Variants in DHX40 observed in about 807,000 individuals in gnomAD.
DHX40 encodes DEAH-box helicase 40, also known as probable ATP-dependent RNA helicase DHX40.
A neutral mutation model predicts 89.6 loss-of-function variants in DHX40; 28 were observed. That is an observed-to-expected ratio of 0.31 (90% CI 0.23 to 0.43). The LOEUF (loss-of-function observed/expected upper bound fraction) is 0.43. Among genes scored for constraint, DHX40 ranks in the 20% least tolerant of loss-of-function variants. The pLI, the probability that DHX40 is intolerant of heterozygous loss-of-function variation, is 1.00. For missense variants in DHX40, 457 were observed against 844.0 expected (o/e 0.54, Z 5.68); for synonymous variants, 226 against 283.6 (o/e 0.80, Z 2.04).
chr17:59,589,050 G>T (rs1334920639), intron 12 of DHX40, among the ~76,000 whole-genome samples: 1 of 151,930 alleles, frequency 6.6e-6, no homozygotes, highest in Non-Finnish European at 1.5e-5. Context: ...TTGTCTGTTT[G>T]TTCTTCCACC....
chr17:59,577,011 A>G (rs1402603688), intron 7 of DHX40: 9 of 421,626 alleles, frequency 2.1e-5, no homozygotes, highest in South Asian at 1.6e-4. Context: ...CTGGGACTAC[A>G]GGGGCGCGCC....
intron 12 of DHX40, among the ~76,000 whole-genome samples, chr17:59,590,916 G>GTATC (rs2049073084): frequency 6.6e-6 from 1 of 151,306 alleles, no homozygotes; most frequent in South Asian, 2.1e-4. Flanking sequence ...GGGCACAGTG[G>GTATC]TATCCCAGCT....
intron 2 of DHX40, 30 bp downstream of exon 2, chr17:59,566,824 A>C (rs926812934): frequency 6.5e-7 from 1 of 1,541,038 alleles, no homozygotes. Flanking sequence ...ATAATTGGAA[A>C]TATTTTAAAA....
intron 6 of DHX40, 147 bp from the exon 7 acceptor site, chr17:59,575,193 T>G: frequency 1.7e-6 from 1 of 572,782 alleles, no homozygotes; most frequent in Non-Finnish European, 2.8e-6. Flanking sequence ...TGAAATATGG[T>G]ACAGCTTATG....
At chr17:59,600,293 A>G (rs2030411763) in intron 14 of DHX40, among the ~76,000 whole-genome samples, 1 of 152,202 alleles carries the variant, frequency 6.6e-6, no homozygotes, top group Admixed American at 6.5e-5. Context: ...AGGCCCTAGA[A>G]AAATATTGTT....
chr17:59,577,468 T>G (rs2048901349), intron 8 of DHX40, 103 bp downstream of exon 8: 1 of 815,620 alleles, frequency 1.2e-6, no homozygotes. Flanking sequence ...ACTAATTCCC[T>G]TCTCTCCTAC....
At chr17:59,572,804 G>C (rs887497306) in intron 3 of DHX40, among the ~76,000 whole-genome samples, 1 of 152,206 alleles carries the variant, frequency 6.6e-6, no homozygotes, top group Admixed American at 6.5e-5. Context: ...TCATTTCACT[G>C]TTGTTTCCCA....
chr17:59,596,395 C>T (rs2030078104), intron 12 of DHX40, among the ~76,000 whole-genome samples: 1 of 152,180 alleles, frequency 6.6e-6, no homozygotes, highest in Non-Finnish European at 1.5e-5. Flanking sequence ...GGTGAAACCC[C>T]ATCTCTACTA....
intron 1 of DHX40, 36 bp downstream of exon 1, chr17:59,565,819 G>C: frequency 1.3e-6 from 2 of 1,546,616 alleles, no homozygotes; most frequent in Non-Finnish European, 1.7e-6. Flanking sequence ...GCCAGCGGGA[G>C]TTACGGCGTG....
intron 12 of DHX40, among the ~76,000 whole-genome samples, chr17:59,588,747 T>C (rs1361498969): frequency 6.6e-6 from 1 of 152,238 alleles, no homozygotes; most frequent in African/African-American, 2.4e-5. Context: ...TGTTTTGACA[T>C]TGACTTTTGC....
In DHX40 at chr17:59,605,649, T is replaced by A; in HGVS notation, c.2175T>A (p.Asn725Lys). Residue 725 changes from asparagine (N) to lysine (K), a missense_variant, in exon 17 of 18, where the codon AAT becomes AAA. Asn to Lys is a moderately conservative substitution (Grantham distance 94). Around this residue, in one of 9 missense-constraint regions of DHX40, gnomAD observed 120 missense variants for 161.7 expected, o/e 0.74. Transcript: ENST00000251241. ...AAGATGCAAGAAGGAGATGGACAAA[T>A]AAGGAAAATGTAAAGCAGCTAAAGG... is the stretch of plus-strand genomic sequence containing the variant. The part of the protein sequence containing the change: ...VREDARRRWT[N>K]KENVKQLKDG... The A allele has an allele frequency of 6.2e-7, 1 of 1,612,952 alleles. No homozygotes were observed. The highest frequency in any genetic ancestry group is 8.5e-7 in the Non-Finnish European group (1 of 1,179,590).
chr17:59,567,915 G>C (rs1314051453), intron 2 of DHX40, among the ~76,000 whole-genome samples: 1 of 149,370 alleles, frequency 6.7e-6, no homozygotes, highest in Non-Finnish European at 1.5e-5. Context: ...CTGGGAGACA[G>C]AGTGAGACTC....
At chr17:59,588,758 A>G (rs1332678616) in intron 12 of DHX40, among the ~76,000 whole-genome samples, 1 of 152,216 alleles carries the variant, frequency 6.6e-6, no homozygotes, top group East Asian at 1.9e-4. Flanking sequence ...TGACTTTTGC[A>G]GAGCGGAAGT....
chr17:59,607,355 A>G lies in DHX40; in HGVS notation c.*183A>G. 4.0e-6 allele frequency: 5 copies of G among 1,235,596 alleles called. No homozygotes were observed. In the South Asian group the frequency reaches 5.2e-5, roughly 13 times the overall value. The allele number at this position is 1,235,596 out of a possible 1,614,324, so 76.5% of individuals were successfully genotyped here. A position where few individuals can be genotyped will look rare whatever the true frequency, so the allele number is the denominator to read the frequency against. On this transcript the variant is annotated 3_prime_UTR_variant, in exon 18 of 18. Coordinates refer to ENST00000251241, the MANE Select transcript of DHX40 (RefSeq NM_024612.5). ...TCAGTTCCCATAAATGCAGTTGTCA[A>G]AGAAAAGATTTGGTTGCCATAGTCA... is the stretch of plus-strand genomic sequence containing the variant.
Position 59,607,552 on chromosome 17 carries a change from T to C in DHX40, c.*380T>C. On this transcript the variant is annotated 3_prime_UTR_variant, in exon 18 of 18. Coordinates refer to ENST00000251241, the MANE Select transcript of DHX40 (RefSeq NM_024612.5). ...ATTTGCATTGAAGCATTAAAAATTA[T>C]TTTTCTTAAAATCTCTTTAAGGCCT... 2.2e-6 allele frequency: 1 copy of C among 462,926 alleles called. No homozygotes were observed. Among genetic ancestry groups the C allele is most frequent in the South Asian group, 3.6e-5 (1 of 27,588 alleles). 28.7% of individuals were successfully genotyped at this position (462,926 alleles called of 1,614,324 possible).
intron 1 of DHX40, among the ~76,000 whole-genome samples, 181 bp from the exon 2 acceptor site, chr17:59,566,446 T>G (rs2048706315): frequency 6.6e-6 from 1 of 152,232 alleles, no homozygotes; most frequent in African/African-American, 2.4e-5. Context: ...TCTGGGCTCA[T>G]TAACCCTCAC....
In DHX40 at chr17:59,586,120, G is replaced by A. The variant is rs370801401; in HGVS notation, c.1344-33G>A. 4.3e-5 allele frequency: 62 copies of A among 1,442,570 alleles called. No individual in the cohort carries two copies. The African/African-American group carries it at 7.2e-4, about 17-fold the overall frequency. The allele number at this position is 1,442,570 out of a possible 1,614,324, so 89.4% of individuals were successfully genotyped here. A position where few individuals can be genotyped will look rare whatever the true frequency, so the allele number is the denominator to read the frequency against. On this transcript the variant is annotated intron_variant, in intron 10 of 17. Coordinates refer to ENST00000251241, the MANE Select transcript of DHX40 (RefSeq NM_024612.5). ...TAAAATCCTACCATGTTCAAGGAAT[G>A]CCTCTCACTTCATATCTCATTTAAA...
chr17:59,569,265 T>C (rs560161430), intron 2 of DHX40, among the ~76,000 whole-genome samples: 37 of 151,640 alleles, frequency 2.4e-4, no homozygotes, highest in African/African-American at 8.7e-4. Flanking sequence ...GAGGTAGAGG[T>C]TGCAGTGAGC....
In DHX40 at chr17:59,601,956, C is replaced by T. The variant is rs539767461; in HGVS notation, c.1807-566C>T. On this transcript the variant is annotated intron_variant, in intron 14 of 17. Coordinates refer to ENST00000251241, the MANE Select transcript of DHX40 (RefSeq NM_024612.5). ...TTCTCATGTGGCTTATAGGAACAGGCGCCATTACTAGCCCTGTGAAAACAC... is the reference window on the plus strand; with the variant it reads ...TTCTCATGTGGCTTATAGGAACAGGTGCCATTACTAGCCCTGTGAAAACAC... 5.3e-5 allele frequency among the ~76,000 whole-genome samples: 8 copies of T among 152,262 alleles called. No individual in the cohort carries two copies. In the South Asian group the frequency reaches 8.3e-4, roughly 16 times the overall value.
Sources: gnomAD v4.1 joint callset for allele counts (sites outside exome capture counted in the v4.1 genomes callset) on GRCh38, gnomAD v4.1.1 for gene constraint, gnomAD v4.1.1 regional missense constraint, MANE v1.5 for transcripts, NCBI Gene and HGNC (gene_info 2026-07-23, HGNC 2026-07-21) for gene names.